TTLL9: variants seen among roughly 807,000 people sequenced by gnomAD.
TTLL9 encodes the protein probable tubulin polyglutamylase TTLL9.
In TTLL9, 47 loss-of-function variants were observed where a neutral mutation model predicts 65.6. The ratio of observed to expected loss-of-function variants is 0.72; its 90% CI spans 0.57 to 0.91. TTLL9 has a LOEUF of 0.91. Among genes scored for constraint, TTLL9 ranks in the 40% least tolerant of loss-of-function variants. TTLL9 has a pLI of 0.00. For missense variants in TTLL9, 537 were observed against 568.8 expected, an observed-to-expected ratio of 0.94 and a Z score of 0.57; for synonymous variants, 179 against 204.8, an observed-to-expected ratio of 0.87 and a Z score of 1.07.
At chr20:31,918,174 G>A (rs889689794) in intron 6 of TTLL9, among the ~76,000 whole-genome samples, 20 of 152,088 alleles carry the variant, frequency 1.3e-4, no homozygotes, top group African/African-American at 4.8e-4. Context: ...TGTCTTATCT[G>A]TGTTTTACTG....
chr20:31,908,333 C>T (rs1446585794), intron 4 of TTLL9, among the ~76,000 whole-genome samples: 2 of 152,148 alleles, frequency 1.3e-5, no homozygotes, highest in Non-Finnish European at 2.9e-5. Flanking sequence ...CTAATAGGTG[C>T]CAGGAGGCAC....
chr20:31,928,686 G>C (rs2063951856), intron 10 of TTLL9, among the ~76,000 whole-genome samples: 1 of 152,094 alleles, frequency 6.6e-6, no homozygotes, highest in African/African-American at 2.4e-5. Context: ...ATGTGATCTT[G>C]TGCATCTGTT....
intron 8 of TTLL9, among the ~76,000 whole-genome samples, chr20:31,923,306 T>C (rs537107432): frequency 6.6e-6 from 1 of 152,330 alleles, no homozygotes; most frequent in Admixed American, 6.5e-5. Flanking sequence ...TATTCATGCG[T>C]TTATCCAACA....
At chr20:31,929,124 C>G (rs2063961890) in intron 10 of TTLL9, among the ~76,000 whole-genome samples, 1 of 152,152 alleles carries the variant, frequency 6.6e-6, no homozygotes, top group African/African-American at 2.4e-5. Flanking sequence ...GACCTTGATT[C>G]AACAGTTTGA....
intron 6 of TTLL9, among the ~76,000 whole-genome samples, chr20:31,919,226 A>G (rs1407686617): frequency 6.6e-6 from 1 of 152,186 alleles, no homozygotes; most frequent in African/African-American, 2.4e-5. Context: ...TGCTCAACAT[A>G]CAGTATGCAC....
At chr20:31,914,403 G>A (rs929499786) in intron 6 of TTLL9, among the ~76,000 whole-genome samples, 4 of 152,166 alleles carry the variant, frequency 2.6e-5, no homozygotes, top group Non-Finnish European at 2.9e-5. Context: ...CAAGCTGTGC[G>A]TATTTAATGT....
intron 2 of TTLL9, among the ~76,000 whole-genome samples, chr20:31,873,342 C>G (rs1047356907): frequency 6.6e-6 from 1 of 152,112 alleles, no homozygotes; most frequent in Non-Finnish European, 1.5e-5. Context: ...ATGCCCGACC[C>G]ATGGATGCTG....
intron 2 of TTLL9, among the ~76,000 whole-genome samples, chr20:31,873,774 GAA>G (rs1172202668): frequency 7.7e-5 from 11 of 142,542 alleles, no homozygotes; most frequent in African/African-American, 1.8e-4. Flanking sequence ...GAAAGAGAAA[GAA>G]AGAAAGAAAA....
Position 31,943,130 on chromosome 20 carries a change from CTGG to C in TTLL9, c.*110_*112del. 9.6e-7 allele frequency: 1 copy of C among 1,043,104 alleles called. No individual in the cohort carries two copies. Among genetic ancestry groups the C allele is most frequent in the Non-Finnish European group, 1.5e-6 (1 of 679,380 alleles). 64.6% of individuals were successfully genotyped at this position (1,043,104 alleles called of 1,614,324 possible). A position where few individuals can be genotyped will look rare whatever the true frequency, so the allele number is the denominator to read the frequency against. On this transcript the variant is annotated 3_prime_UTR_variant, in exon 15 of 15. Coordinates refer to ENST00000535842, the MANE Select transcript of TTLL9 (RefSeq NM_001008409.5). ...CAGCATTCGCCTCCCCACCTCCAGC[CTGG>C]CACCAGCTTTGCTGGCTTAGCAGCT... is the stretch of plus-strand genomic sequence containing the variant.
chr20:31,879,997 G>A lies in TTLL9; in HGVS notation c.70-7199G>A, dbSNP rs2063089989. The stretch of plus-strand genomic sequence containing the variant: ...CGGTTGGGGATGGGTGTTCCTCGCG[G>A]AATGGGTAGGGGTGGGGCGGGGGGG... On this transcript the variant is annotated intron_variant, in intron 2 of 14. Transcript: ENST00000535842. The A allele has an allele frequency of 4.5e-6, 3 of 666,130 alleles. No homozygotes were observed. In the South Asian group the frequency reaches 5.1e-5, roughly 11 times the overall value. The allele number at this position is 666,130 out of a possible 1,614,324, so 41.3% of individuals were successfully genotyped here.
intron 2 of TTLL9, chr20:31,879,721 G>A (rs2063082504): frequency 1.6e-6 from 2 of 1,237,244 alleles, no homozygotes; most frequent in Non-Finnish European, 2.2e-6. Context: ...GCCTCCAGAG[G>A]TTCTGGTGGA....
chr20:31,939,049 G>A (rs2064162911), intron 13 of TTLL9, 93 bp from the exon 14 acceptor site: 2 of 1,400,900 alleles, frequency 1.4e-6, no homozygotes, highest in African/African-American at 1.5e-5. Context: ...ACGGACATCA[G>A]TTGGGCTCAG....
At chr20:31,895,453 G>A (rs2063369526) in intron 3 of TTLL9, among the ~76,000 whole-genome samples, 1 of 152,220 alleles carries the variant, frequency 6.6e-6, no homozygotes, top group Non-Finnish European at 1.5e-5. Context: ...TTTGGAAAAT[G>A]TTCTTGTGAA....
At position 31,870,991 on chromosome 20, in the gene TTLL9, GAC is replaced by G; in HGVS notation, c.-6+45_-6+46del. ...GATACATCCTCTCCACCCGTGCAGA[GAC>G]ACCCTACCAACCAGCCTTCCTCCTT... On this transcript the variant is annotated intron_variant, in intron 1 of 14. Coordinates refer to ENST00000535842, the MANE Select transcript of TTLL9 (RefSeq NM_001008409.5). This position sits in a 1 kb window ranked among gnomAD's most constrained non-coding sequence, Gnocchi z 6.6. 1.2e-6 allele frequency: 1 copy of G among 833,414 alleles called. No individual in the cohort carries two copies. Among genetic ancestry groups the G allele is most frequent in the Non-Finnish European group, 2.1e-6 (1 of 481,796 alleles). The allele number at this position is 833,414 out of a possible 1,614,324, so 51.6% of individuals were successfully genotyped here.
chr20:31,897,989 A>C (rs1043603412), intron 3 of TTLL9, among the ~76,000 whole-genome samples: 2 of 152,190 alleles, frequency 1.3e-5, no homozygotes, highest in African/African-American at 4.8e-5. Context: ...TGAGACAAAA[A>C]GGAAACCCAG....
Position 31,944,536 on chromosome 20 carries a change from C to T in TTLL9, c.*1515C>T, listed in dbSNP as rs2064285527. ...AAATTATTAGCTTATAAGACACCAG[C>T]CTTCCCCTTGCTTTCCTCACTTGAT... On this transcript the variant is annotated 3_prime_UTR_variant, in exon 15 of 15. Coordinates refer to ENST00000535842, the MANE Select transcript of TTLL9 (RefSeq NM_001008409.5). 6.6e-6 allele frequency: 1 copy of T among 152,324 alleles called. No homozygotes were observed. The allele number at this position is 152,324 out of a possible 1,614,324, so 9.4% of individuals were successfully genotyped here.
intron 11 of TTLL9, 60 bp downstream of exon 11, chr20:31,933,918 G>T: frequency 6.5e-7 from 1 of 1,529,650 alleles, no homozygotes; most frequent in Non-Finnish European, 8.8e-7. Context: ...GTCGGGGTGG[G>T]GAGGGTGGAG....
At chr20:31,918,393 C>T (rs2063769442) in intron 6 of TTLL9, among the ~76,000 whole-genome samples, 1 of 151,506 alleles carries the variant, frequency 6.6e-6, no homozygotes, top group East Asian at 1.9e-4. Flanking sequence ...TTTTTTTTAA[C>T]AGACAGAGTC....
Position 31,939,232 on chromosome 20 carries a change from G to A in TTLL9, c.1209G>A (p.Ser403=), listed in dbSNP as rs376423228. 143 of 1,613,550 alleles carry A rather than the reference G, an allele frequency of 8.9e-5. No individual in the cohort carries two copies. Among genetic ancestry groups the A allele is most frequent in the East Asian group, 1.3e-4 (6 of 44,868 alleles). ...GAGAGGAGGGGGCTCCTGACCTGTCGGGAATGGGAAACTTTGTGACCAACA... is the reference window on the plus strand; with the variant it reads ...GAGAGGAGGGGGCTCCTGACCTGTCAGGAATGGGAAACTTTGTGACCAACA... ...VSREEGAPDL[S]GMGNFVTNTH... is the part of the protein sequence containing the mutation. The change falls in exon 14 of 15, where the codon TCG becomes TCA. Residue 403 remains serine (S), a synonymous_variant. Coordinates refer to ENST00000535842, the MANE Select transcript of TTLL9 (RefSeq NM_001008409.5).
Sources: allele counts gnomAD v4.1 joint callset (sites outside exome capture counted in the v4.1 genomes callset), GRCh38; gene constraint gnomAD v4.1.1; non-coding constraint Gnocchi (gnomAD v3.1); transcripts MANE v1.5; gene names NCBI Gene and HGNC (gene_info 2026-07-23, HGNC 2026-07-21).